The following CSMD1 variants were observed in gnomAD, a reference collection of about 807,000 sequenced individuals.
CSMD1 encodes CUB and sushi domain-containing protein 1.
CSMD1 carries 213 observed loss-of-function variants against 417.5 expected under a neutral mutation model. The observed-to-expected ratio is 0.51, with a 90% CI of 0.46 to 0.57. The LOEUF is 0.57. Among genes scored for constraint, CSMD1 ranks in the 20% least tolerant of loss-of-function variants. The pLI is 0.00. For missense variants in CSMD1, 6,923 were observed against 4,529.7 expected (o/e 1.53, Z -15.17); for synonymous variants, 2,862 against 1,736.8 (o/e 1.65, Z -16.11).
At chr8:4,155,903 G>A (rs1344136101) in intron 3 of CSMD1, among the ~76,000 whole-genome samples, 3 of 152,234 alleles carry the variant, frequency 2.0e-5, no homozygotes, top group Non-Finnish European at 4.4e-5. Flanking sequence ...CAGTAAGTGC[G>A]GGAATGAGCT....
intron 2 of CSMD1, among the ~76,000 whole-genome samples, chr8:4,580,589 C>T (rs950514580): frequency 6.6e-6 from 1 of 152,120 alleles, no homozygotes; most frequent in Non-Finnish European, 1.5e-5. Flanking sequence ...TCTCCTCTTC[C>T]ATCTCACCCA....
At chr8:3,180,912 G>A (rs1821281281) in intron 37 of CSMD1, among the ~76,000 whole-genome samples, 198 bp downstream of exon 37, 1 of 152,118 alleles carries the variant, frequency 6.6e-6, no homozygotes, top group Non-Finnish European at 1.5e-5. Context: ...CCAACGTGCT[G>A]GGATTATAGG....
intron 21 of CSMD1, among the ~76,000 whole-genome samples, chr8:3,350,821 G>A (rs1185127653): frequency 1.3e-5 from 2 of 151,842 alleles, no homozygotes; most frequent in Non-Finnish European, 2.9e-5. Flanking sequence ...AATTTTACAT[G>A]TTTTTATTAG....
intron 5 of CSMD1, among the ~76,000 whole-genome samples, chr8:3,916,332 T>C (rs145820105): frequency 5.9e-5 from 9 of 152,294 alleles, no homozygotes; most frequent in East Asian, 1.9e-4. Context: ...GATATTTATA[T>C]AGCATGAATA....
intron 3 of CSMD1, among the ~76,000 whole-genome samples, chr8:4,332,834 C>T (rs1258692682): frequency 1.3e-5 from 2 of 150,200 alleles, no homozygotes; most frequent in African/African-American, 2.5e-5. Context: ...CTTTATTTAG[C>T]TGATGAAATG....
chr8:3,076,216 G>C (rs1294532529), intron 49 of CSMD1, among the ~76,000 whole-genome samples: 1 of 144,408 alleles, frequency 6.9e-6, no homozygotes, highest in Non-Finnish European at 1.5e-5. Context: ...GGCGGGGCTG[G>C]TTCTGCCTGA....
At chr8:3,752,684 A>AC (rs1363133821) in intron 6 of CSMD1, among the ~76,000 whole-genome samples, 4 of 65,632 alleles carry the variant, frequency 6.1e-5, no homozygotes, top group African/African-American at 1.8e-4. Flanking sequence ...GGCAAAAAAA[A>AC]AAAAAAAAAA....
intron 5 of CSMD1, among the ~76,000 whole-genome samples, chr8:3,921,309 A>C (rs903539068): frequency 3.3e-5 from 5 of 152,038 alleles, no homozygotes; most frequent in Admixed American, 6.6e-5. Context: ...TCTACTTAGC[A>C]TAAGAGTTTA....
At chr8:3,859,017 G>T (rs998567789) in intron 5 of CSMD1, among the ~76,000 whole-genome samples, 2 of 152,188 alleles carry the variant, frequency 1.3e-5, no homozygotes, top group African/African-American at 2.4e-5. Flanking sequence ...GCTATGAAGT[G>T]TTCCCTAAAA....
chr8:4,316,168 G>A (rs1203430938), intron 3 of CSMD1, among the ~76,000 whole-genome samples: 3 of 152,078 alleles, frequency 2.0e-5, no homozygotes, highest in East Asian at 1.9e-4. Flanking sequence ...TTTCAATTAT[G>A]TAGATTAGCT....
Position 4,462,413 on chromosome 8 carries a change from T to A in CSMD1, c.303-42348A>T, listed in dbSNP as rs182981748. 3.0e-3 allele frequency among the ~76,000 whole-genome samples: 460 copies of A among 152,208 alleles called. 5 individuals carry two copies. Among genetic ancestry groups the A allele is most frequent in the African/African-American group, 0.011 (437 of 41,536 alleles). On this transcript the variant is annotated intron_variant, in intron 2 of 69. Transcript: ENST00000635120. ...AGACTTAATATAGATAAGATGGCAA[T>A]ACTCCCCAAATTGATTAGCAAATTT... is the stretch of plus-strand genomic sequence containing the variant.
chr8:4,198,329 G>C (rs532143608), intron 3 of CSMD1, among the ~76,000 whole-genome samples: 1 of 152,246 alleles, frequency 6.6e-6, no homozygotes, highest in African/African-American at 2.4e-5. Flanking sequence ...ACAAGAGTAC[G>C]TCATGGTGGA....
chr8:3,520,890 C>G (rs1198493298), intron 10 of CSMD1, among the ~76,000 whole-genome samples: 1 of 152,146 alleles, frequency 6.6e-6, no homozygotes, highest in Non-Finnish European at 1.5e-5. Flanking sequence ...GTGTCTAGCA[C>G]TGGAACCTCC....
In CSMD1 at chr8:3,218,952, C is replaced by T. The variant is rs1205848051; in HGVS notation, c.4672+303G>A. 2.0e-5 allele frequency among the ~76,000 whole-genome samples: 3 copies of T among 152,208 alleles called. No individual in the cohort carries two copies. The East Asian group carries it at 5.8e-4, about 29-fold the overall frequency. ...AGAAACAAATTATAAGGTGTTAAAACCCGTCTTAAAATAATTATTAAATGT... is the reference window on the plus strand; with the variant it reads ...AGAAACAAATTATAAGGTGTTAAAATCCGTCTTAAAATAATTATTAAATGT... On this transcript the variant is annotated intron_variant, in intron 29 of 69. Transcript: ENST00000635120.
At chr8:3,007,445 C>T (rs1485900958) in intron 52 of CSMD1, among the ~76,000 whole-genome samples, 3 of 151,260 alleles carry the variant, frequency 2.0e-5, no homozygotes, top group Non-Finnish European at 4.4e-5. Flanking sequence ...GACTATAAAT[C>T]ATGCTGCTAT....
chr8:4,669,293 A>G (rs536100943), intron 1 of CSMD1, among the ~76,000 whole-genome samples: 83 of 152,314 alleles, frequency 5.4e-4, no homozygotes, highest in African/African-American at 1.8e-3. Context: ...TTTATTCACT[A>G]AAAATCCTTA....
intron 1 of CSMD1, among the ~76,000 whole-genome samples, chr8:4,993,006 G>A (rs1450359323): frequency 3.9e-5 from 6 of 152,198 alleles, no homozygotes; most frequent in Non-Finnish European, 8.8e-5. Flanking sequence ...GGGAGGGGAA[G>A]CCCAGGCGGC....
chr8:4,388,160 C>T (rs1030330979), intron 3 of CSMD1, among the ~76,000 whole-genome samples: 1 of 152,126 alleles, frequency 6.6e-6, no homozygotes, highest in Non-Finnish European at 1.5e-5. Flanking sequence ...CCAACAGTCC[C>T]ACTAATGGGC....
Position 3,076,073 on chromosome 8 carries a change from G to A in CSMD1, c.7474+11024C>T, listed in dbSNP as rs76527168. On this transcript the variant is annotated intron_variant, in intron 49 of 69. Transcript: ENST00000635120. ...CTCAAAAAAAAGAAAAAAAAAAAAAGACGTTGTCACTGTTTATTTTTAAAA... is the reference window on the plus strand; with the variant it reads ...CTCAAAAAAAAGAAAAAAAAAAAAAAACGTTGTCACTGTTTATTTTTAAAA... Among the ~76,000 whole-genome samples, 3 of 141,152 alleles carry A rather than the reference G, an allele frequency of 2.1e-5. 1 individual carries two copies. The highest frequency in any genetic ancestry group is 7.9e-5 in the African/African-American group (3 of 37,936). 92.6% of individuals were successfully genotyped at this position (141,152 alleles called of 152,430 possible).
Sources: allele counts gnomAD v4.1 joint callset (sites outside exome capture counted in the v4.1 genomes callset), GRCh38; gene constraint gnomAD v4.1.1; transcripts MANE v1.5; gene names NCBI Gene and HGNC (gene_info 2026-07-23, HGNC 2026-07-21).